The following ZNF436 variants were observed in gnomAD, a reference collection of about 807,000 sequenced individuals.
ZNF436 encodes DNA-binding protein.
A neutral mutation model predicts 41.9 loss-of-function variants in ZNF436; 22 were observed. The ratio of observed to expected loss-of-function variants is 0.53; its 90% CI spans 0.38 to 0.75. The LOEUF (loss-of-function observed/expected upper bound fraction) is 0.75, where lower values mean the gene tolerates loss of function less well. Ranked by LOEUF, ZNF436 falls within the 30% of genes least tolerant of loss-of-function variation. The probability of loss-of-function intolerance (pLI) is 0.00; values close to 1 mark genes in which losing one functional copy is unlikely to be tolerated. For synonymous variants in ZNF436, 217 were observed against 197.8 expected (o/e 1.10, Z -0.82); for missense variants, 506 against 587.3 (o/e 0.86, Z 1.43).
intron 1 of ZNF436, 77 bp from the exon 2 acceptor site, chr1:23,368,142 C>A: frequency 9.9e-7 from 1 of 1,013,078 alleles, no homozygotes; most frequent in African/African-American, 1.6e-5. Flanking sequence ...GTTCTGGCCC[C>A]AAGGCGGGCA....
chr1:23,365,766 G>T (rs1225909305), intron 3 of ZNF436, among the ~76,000 whole-genome samples: 1 of 151,370 alleles, frequency 6.6e-6, no homozygotes, highest in African/African-American at 2.4e-5. Context: ...AAAATAAAAA[G>T]AATTAGCCGG....
At chr1:23,369,164 T>G (rs936178067) in intron 1 of ZNF436, 7 of 371,940 alleles carry the variant, frequency 1.9e-5, no homozygotes, top group Admixed American at 3.5e-5. Context: ...AAGGAGGAGA[T>G]AGCCAGGCCC....
At chr1:23,363,293 ATTTT>A in intron 3 of ZNF436, 72 bp from the exon 4 acceptor site, 1 of 1,097,322 alleles carries the variant, frequency 9.1e-7, no homozygotes, top group Non-Finnish European at 1.2e-6. Context: ...ACTATACTAA[ATTTT>A]TTTTTTTTTT....
Position 23,362,524 on chromosome 1 carries a change from G to A in ZNF436, c.858C>T (p.Gly286=). The change falls in exon 4 of 4, where the codon GGC becomes GGT. Residue 286 remains glycine (G), a synonymous_variant. Transcript: ENST00000314011. ...KPYECNECGR[G]FSERSDLIKH... ...TGATGAGATCAGATCTCTCACTGAAGCCTCGGCCACATTCGTTACATTCAT... is the reference window on the plus strand; with the variant it reads ...TGATGAGATCAGATCTCTCACTGAAACCTCGGCCACATTCGTTACATTCAT... The A allele has an allele frequency of 6.2e-7, 1 of 1,613,968 alleles. No individual in the cohort carries two copies.
chr1:23,363,111 C>A lies in ZNF436; in HGVS notation c.271G>T (p.Glu91Ter). Reference sequence around the variant, plus strand: ...CCGCTTTCAAAGCCCTCTTCACTTTCAGGATTTTCCTCAGCATTCTCAGCA... The same window carrying A: ...CCGCTTTCAAAGCCCTCTTCACTTTAAGGATTTTCCTCAGCATTCTCAGCA... ...RPAENAEENP[E>*]SEEGFESGDR... Residue 91 changes from glutamate (E) to a stop codon, truncating the protein, a stop_gained, in exon 4 of 4, where the codon GAA (glutamate) becomes TAA (stop). Transcript: ENST00000314011. LOFTEE classifies it high-confidence loss of function. 1 of 1,614,206 alleles carries A rather than the reference C, an allele frequency of 6.2e-7. No homozygotes were observed. Among genetic ancestry groups the A allele is most frequent in the Non-Finnish European group, 8.5e-7 (1 of 1,180,044 alleles).
At chr1:23,363,755 A>G (rs1222198961) in intron 3 of ZNF436, among the ~76,000 whole-genome samples, 1 of 152,228 alleles carries the variant, frequency 6.6e-6, no homozygotes, top group Non-Finnish European at 1.5e-5. Flanking sequence ...AGAAAACTAT[A>G]CAGGCCAGGT....
At chr1:23,369,327 A>T (rs1452350398) in intron 1 of ZNF436, 39 bp downstream of exon 1, 2 of 528,098 alleles carry the variant, frequency 3.8e-6, no homozygotes, top group Non-Finnish European at 7.8e-6. Context: ...GGTTGAAGGT[A>T]GGAAGCCGAA....
chr1:23,367,269 C>A, intron 2 of ZNF436, 101 bp from the exon 3 acceptor site: 1 of 1,287,048 alleles, frequency 7.8e-7, no homozygotes. Context: ...TTAAATGTGA[C>A]CTATAGAGTC....
At chr1:23,369,075 C>T (rs1456674752) in intron 1 of ZNF436, 2 of 234,352 alleles carry the variant, frequency 8.5e-6, no homozygotes, top group Non-Finnish European at 1.8e-5. Flanking sequence ...GCCCCTCGAG[C>T]GGCGGGCTGA....
At chr1:23,369,287 G>A (rs1235721898) in intron 1 of ZNF436, 79 bp downstream of exon 1, 1 of 490,386 alleles carries the variant, frequency 2.0e-6, no homozygotes, top group Non-Finnish European at 4.3e-6. Flanking sequence ...TGATCCGGGC[G>A]GGCCTTCAGG....
rs1158462713 is a variant in ZNF436, at chr1:23,360,078, A to G, written c.*1891T>C. 2.0e-5 allele frequency: 3 copies of G among 152,362 alleles called. No individual in the cohort carries two copies. The highest frequency in any genetic ancestry group is 4.8e-5 in the African/African-American group (2 of 41,462). 9.4% of individuals were successfully genotyped at this position (152,362 alleles called of 1,614,324 possible). On this transcript the variant is annotated 3_prime_UTR_variant, in exon 4 of 4. Coordinates refer to ENST00000314011, the MANE Select transcript of ZNF436 (RefSeq NM_001077195.2). ...ACATGTGTCACCCGACAATTAAAAT[A>G]TGGATACCCACAGTCTGCTAGATTT...
rs543122616 is a variant in ZNF436 at position 23,363,071 on chromosome 1, C to A, written c.311G>T (p.Arg104Ile). The A allele has an allele frequency of 1.4e-5, 23 of 1,614,210 alleles. No homozygotes were observed. The South Asian group carries it at 2.5e-4, about 18-fold the overall frequency. The change falls in exon 4 of 4, where the codon AGA becomes ATA. Residue 104 changes from arginine to isoleucine, a missense_variant. Physicochemically the swap from Arg to Ile is moderately conservative, Grantham distance 97 (BLOSUM62 -3). Coordinates refer to ENST00000314011, the MANE Select transcript of ZNF436 (RefSeq NM_001077195.2). ...EGFESGDRSE[R>I]QWGDLTAEEW... The stretch of plus-strand genomic sequence containing the variant: ...TTCTGCTGTTAAATCTCCCCATTGT[C>A]TTTCTGACCTATCTCCGCTTTCAAA...
rs1638286007 is a variant in ZNF436, at chr1:23,363,082, A to G, written c.300T>C (p.Asp100=). The stretch of plus-strand genomic sequence containing the variant: ...AATCTCCCCATTGTCTTTCTGACCT[A>G]TCTCCGCTTTCAAAGCCCTCTTCAC... ...PESEEGFESG[D]RSERQWGDLT... is the part of the protein sequence containing the mutation. The change falls in exon 4 of 4, where the codon GAT becomes GAC. Residue 100 remains aspartate, a synonymous_variant. Coordinates refer to ENST00000314011, the MANE Select transcript of ZNF436 (RefSeq NM_001077195.2). 1.2e-6 allele frequency: 2 copies of G among 1,614,212 alleles called. No homozygotes were observed. The highest frequency in any genetic ancestry group is 3.3e-5 in the Admixed American group (2 of 60,020).
Position 23,367,159 on chromosome 1 carries a change from T to A in ZNF436, c.43A>T (p.Thr15Ser). Residue 15 changes from threonine to serine, a missense_variant, in exon 3 of 4, where the codon ACG (threonine) becomes TCG (serine). Transcript: ENST00000314011. Reference protein sequence around the residue: ...LLMAGSQAPVTFEDMAMYLTR... With the variant: ...LLMAGSQAPVSFEDMAMYLTR... ...AGATACATGGCCATATCTTCAAACGTCACAGGTGCCTGAAATCACACGATA... is the reference window on the plus strand; with the variant it reads ...AGATACATGGCCATATCTTCAAACGACACAGGTGCCTGAAATCACACGATA... 4 of 1,609,256 alleles carry A rather than the reference T, an allele frequency of 2.5e-6. No individual in the cohort carries two copies. Among genetic ancestry groups the A allele is most frequent in the Non-Finnish European group, 3.4e-6 (4 of 1,177,916 alleles).
Position 23,361,246 on chromosome 1 carries a change from A to G in ZNF436, c.*723T>C, listed in dbSNP as rs1557989288. The G allele has an allele frequency of 6.6e-6, 1 of 152,652 alleles. No homozygotes were observed. The highest frequency in any genetic ancestry group is 1.5e-5 in the Non-Finnish European group (1 of 68,048). 9.5% of individuals were successfully genotyped at this position (152,652 alleles called of 1,614,324 possible). A position where few individuals can be genotyped will look rare whatever the true frequency, so the allele number is the denominator to read the frequency against. On this transcript the variant is annotated 3_prime_UTR_variant, in exon 4 of 4. Coordinates refer to ENST00000314011, the MANE Select transcript of ZNF436 (RefSeq NM_001077195.2). ...TTCATAAATCTGATTAATGGCAGTA[A>G]TAACTGTGGGCATCTTCTGCTAAAG... is the stretch of plus-strand genomic sequence containing the variant.
chr1:23,364,353 T>C (rs1223479340), intron 3 of ZNF436, among the ~76,000 whole-genome samples: 1 of 152,184 alleles, frequency 6.6e-6, no homozygotes, highest in Non-Finnish European at 1.5e-5. Flanking sequence ...TTCTCCTGCC[T>C]CATCTTTCCG....
At position 23,360,403 on chromosome 1, in the gene ZNF436, G is replaced by T. The variant is rs1444319377; in HGVS notation, c.*1566C>A. 3 of 149,672 alleles carry T rather than the reference G, an allele frequency of 2.0e-5. No homozygotes were observed. The highest frequency in any genetic ancestry group is 4.5e-5 in the Non-Finnish European group (3 of 66,486). The allele number at this position is 149,672 out of a possible 1,614,324, so 9.3% of individuals were successfully genotyped here. A position where few individuals can be genotyped will look rare whatever the true frequency, so the allele number is the denominator to read the frequency against. On this transcript the variant is annotated 3_prime_UTR_variant, in exon 4 of 4. Transcript: ENST00000314011. ...AAATAAACTGGGGGTACTCTCAAAA[G>T]AAAAGATATTCCTCACTCCAGTCCC...
chr1:23,365,179 G>A (rs551138260), intron 3 of ZNF436, among the ~76,000 whole-genome samples: 1 of 150,774 alleles, frequency 6.6e-6, no homozygotes, highest in East Asian at 2.0e-4. Context: ...AGATCACGAG[G>A]TCAGGAGATC....
In ZNF436 at chr1:23,367,091, G is replaced by A. The variant is rs760178235; in HGVS notation, c.111C>T (p.Asp37=). The A allele has an allele frequency of 6.2e-6, 10 of 1,613,754 alleles. No individual in the cohort carries two copies. The highest frequency in any genetic ancestry group is 8.5e-6 in the Non-Finnish European group (10 of 1,179,884). The change falls in exon 3 of 4, where the codon GAC becomes GAT. Residue 37 remains aspartate (D), a synonymous_variant. Coordinates refer to ENST00000314011, the MANE Select transcript of ZNF436 (RefSeq NM_001077195.2). ...TCTCCTGCATAACATCCCGGTAAAG[G>A]TCCCTCTGTGCAGCGTCCAGAGGTC... ...EWRPLDAAQR[D]LYRDVMQENY... is the part of the protein sequence containing the mutation.
Sources: allele counts gnomAD v4.1 joint callset (sites outside exome capture counted in the v4.1 genomes callset), GRCh38; gene constraint gnomAD v4.1.1; transcripts MANE v1.5; gene names NCBI Gene and HGNC (gene_info 2026-07-23, HGNC 2026-07-21).